EXD3: variants seen among roughly 807,000 people sequenced by gnomAD.
The protein encoded by EXD3 is exonuclease mut-7 homolog.
A neutral mutation model predicts 98.0 loss-of-function variants in EXD3; 92 were observed. The ratio of observed to expected loss-of-function variants is 0.94; its 90% confidence interval spans 0.79 to 1.12. EXD3 has a LOEUF of 1.12. Among genes scored for constraint, EXD3 ranks in the 50% most tolerant of loss-of-function variants. EXD3 has a pLI of 0.00. For missense variants in EXD3, 1,222 were observed against 1,191.6 expected (o/e 1.03, Z -0.38); for synonymous variants, 569 against 526.0 (o/e 1.08, Z -1.12).
At chr9:137,384,374 G>A (rs1304832161) in intron 2 of EXD3, among the ~76,000 whole-genome samples, 1 of 152,256 alleles carries the variant, frequency 6.6e-6, no homozygotes, top group Non-Finnish European at 1.5e-5. Flanking sequence ...ACGGAGGAGA[G>A]AACCACGTGG....
chr9:137,362,946 G>C (rs764722471), intron 7 of EXD3, among the ~76,000 whole-genome samples: 1 of 151,972 alleles, frequency 6.6e-6, no homozygotes, highest in Non-Finnish European at 1.5e-5. Flanking sequence ...GAGTAGCTGG[G>C]ATTATAGGCA....
chr9:137,396,762 C>T (rs527336581), intron 1 of EXD3, among the ~76,000 whole-genome samples: 2 of 152,234 alleles, frequency 1.3e-5, no homozygotes, highest in Non-Finnish European at 2.9e-5. Context: ...CTCACGCAGG[C>T]TGCTCCAGAC....
At chr9:137,391,488 G>A (rs542462959) in intron 2 of EXD3, among the ~76,000 whole-genome samples, 9 of 152,322 alleles carry the variant, frequency 5.9e-5, no homozygotes, top group Middle Eastern at 3.4e-3. Flanking sequence ...GGGGAGGAGC[G>A]GCGGATGTGG....
chr9:137,351,950 G>T, intron 12 of EXD3, 116 bp downstream of exon 12: 1 of 1,341,816 alleles, frequency 7.5e-7, no homozygotes, highest in Non-Finnish European at 1.0e-6. Context: ...GGGGCACCTG[G>T]CGGGCTCATG....
chr9:137,383,754 C>A (rs112535944), intron 2 of EXD3, among the ~76,000 whole-genome samples: 13,069 of 152,236 alleles, frequency 0.086, 844 homozygotes, highest in Non-Finnish European at 0.12. Context: ...TCACCCAAAC[C>A]CTGCACCGCA....
At position 137,323,837 on chromosome 9, in the gene EXD3, G is replaced by A. The variant is rs1156340977; in HGVS notation, c.2072C>T (p.Ala691Val). Reference sequence around the variant, plus strand: ...GCAGTCGACCGAGAGGCAGCGCCCAGCCCCGACCTGGGCCCGGAGCTGCAA... The same window carrying A: ...GCAGTCGACCGAGAGGCAGCGCCCAACCCCGACCTGGGCCCGGAGCTGCAA... ...PFHKLRAQVG[A>V]GRCLSVDCSL... The change falls in exon 19 of 22, where the codon GCT (alanine) becomes GTT (valine). Residue 691 changes from alanine to valine, a missense_variant. Coordinates refer to ENST00000340951, the MANE Select transcript of EXD3 (RefSeq NM_017820.5). The A allele has an allele frequency of 5.0e-6, 8 of 1,611,426 alleles. No homozygotes were observed. The highest frequency in any genetic ancestry group is 1.1e-5 in the South Asian group (1 of 91,014).
intron 3 of EXD3, among the ~76,000 whole-genome samples, chr9:137,374,187 C>A (rs1016487829): frequency 6.6e-6 from 1 of 152,248 alleles, no homozygotes; most frequent in Non-Finnish European, 1.5e-5. Flanking sequence ...GTGAGTCAAC[C>A]GCTATAGACT....
At chr9:137,318,874 C>G (rs567829893) in intron 19 of EXD3, among the ~76,000 whole-genome samples, 2 of 152,260 alleles carry the variant, frequency 1.3e-5, no homozygotes, top group Admixed American at 1.3e-4. Flanking sequence ...CCTGGCCCAG[C>G]TTTGGGCTCA....
At chr9:137,422,777 G>A (rs1329241508) in intron 1 of EXD3, among the ~76,000 whole-genome samples, 1 of 152,148 alleles carries the variant, frequency 6.6e-6, no homozygotes, top group Non-Finnish European at 1.5e-5. Flanking sequence ...CCTCCTCCTC[G>A]GCGAGGGAGC....
Position 137,367,919 on chromosome 9 carries a change from A to AT in EXD3, c.516+16dup. 6.2e-7 allele frequency: 1 copy of AT among 1,611,298 alleles called. No homozygotes were observed. The highest frequency in any genetic ancestry group is 8.5e-7 in the Non-Finnish European group (1 of 1,178,934). On this transcript the variant is annotated intron_variant, in intron 6 of 21. Transcript: ENST00000340951. The stretch of plus-strand genomic sequence containing the variant: ...CCAAGTTTGAACCTAAACAATTTAC[A>AT]TGAGAAAGACGTTCACCTTTTCAAC...
chr9:137,307,552 G>T, intron 21 of EXD3, 56 bp downstream of exon 21: 1 of 1,595,142 alleles, frequency 6.3e-7, no homozygotes. Flanking sequence ...GGGGAAGCCT[G>T]GCACCAGGGC....
At chr9:137,419,881 C>T (rs1358197381) in intron 1 of EXD3, among the ~76,000 whole-genome samples, 2 of 151,490 alleles carry the variant, frequency 1.3e-5, no homozygotes, top group South Asian at 2.1e-4. Flanking sequence ...AAAAAGCGGC[C>T]GGGCGCGGTG....
intron 7 of EXD3, chr9:137,365,714 A>G (rs1835202076): frequency 3.2e-6 from 1 of 307,888 alleles, no homozygotes; most frequent in Non-Finnish European, 6.4e-6. Context: ...ACCCATGCAC[A>G]CACACATACA....
intron 19 of EXD3, among the ~76,000 whole-genome samples, chr9:137,310,182 G>A (rs528919696): frequency 3.9e-5 from 6 of 152,352 alleles, no homozygotes; most frequent in East Asian, 1.9e-4. Flanking sequence ...TGAAAGTGGC[G>A]AGGGGGCTGG....
intron 1 of EXD3, among the ~76,000 whole-genome samples, chr9:137,408,392 TA>T (rs1837834368): frequency 6.6e-6 from 1 of 151,136 alleles, no homozygotes. Context: ...ACTAAAAATA[TA>T]AAAATTTGCC....
At chr9:137,421,842 TAAAC>T (rs1838531569) in intron 1 of EXD3, among the ~76,000 whole-genome samples, 1 of 152,180 alleles carries the variant, frequency 6.6e-6, no homozygotes. Context: ...CATTTCTAAG[TAAAC>T]AAATAAATAA....
In EXD3 at chr9:137,355,409, A is replaced by T. The variant is rs13284768; in HGVS notation, c.758-636T>A. On this transcript the variant is annotated intron_variant, in intron 8 of 21. Transcript: ENST00000340951. ...GGGAGCCGGGCGACCATCTGCCCTG[A>T]GGCAGGGAGGAAGGAGGAAGGAGGA... Among the ~76,000 whole-genome samples the T allele has an allele frequency of 8.1e-5, 7 of 86,128 alleles. 1 individual carries two copies. The highest frequency in any genetic ancestry group is 5.6e-4 in the South Asian group (2 of 3,574). 56.5% of individuals were successfully genotyped at this position (86,128 alleles called of 152,430 possible). A position where few individuals can be genotyped will look rare whatever the true frequency, so the allele number is the denominator to read the frequency against.
chr9:137,374,764 C>T, intron 3 of EXD3: 1 of 985,458 alleles, frequency 1.0e-6, no homozygotes, highest in Non-Finnish European at 1.2e-6. Context: ...CCTCGGGACT[C>T]TGGGAAGAAA....
At position 137,307,075 on chromosome 9, in the gene EXD3, C is replaced by T. The variant is rs1432445026; in HGVS notation, c.2506G>A (p.Gly836Arg). 14 of 1,611,644 alleles carry T rather than the reference C, an allele frequency of 8.7e-6. No individual in the cohort carries two copies. The highest frequency in any genetic ancestry group is 1.2e-5 in the Non-Finnish European group (14 of 1,179,456). ...TGGGAGCCGTCCCAGAAGACCTTTC[C>T]ACAGCCCGTGCAGCAGTAGAAGCAC... The part of the protein sequence containing the change: ...LRCFYCCTGC[G>R]KVFWDGSHLG... The change falls in exon 22 of 22, where the codon GGA becomes AGA. Residue 836 changes from glycine to arginine, a missense_variant. Physicochemically the swap from Gly to Arg is moderately radical, Grantham distance 125. Transcript: ENST00000340951.
Sources: allele counts gnomAD v4.1 joint callset (sites outside exome capture counted in the v4.1 genomes callset), GRCh38; gene constraint gnomAD v4.1.1; transcripts MANE v1.5; gene names NCBI Gene and HGNC (gene_info 2026-07-23, HGNC 2026-07-21).